NRP2: variants seen among roughly 807,000 people sequenced by gnomAD.
The protein encoded by NRP2 is neuropilin-2.
Under a neutral mutation model 110.4 loss-of-function variants are expected in NRP2, and 52 were observed. The ratio of observed to expected loss-of-function variants is 0.47; its 90% CI spans 0.38 to 0.59. NRP2 has a LOEUF of 0.59. NRP2 is among the 20% of genes least tolerant of loss of function. The pLI is 0.00. For missense variants in NRP2, 1,049 were observed against 1,203.0 expected (o/e 0.87, Z 1.89); for synonymous variants, 508 against 468.9 (o/e 1.08, Z -1.08).
intron 10 of NRP2, 164 bp from the exon 11 acceptor site, chr2:205,749,561 G>A (rs1264609215): frequency 8.0e-6 from 5 of 627,434 alleles, no homozygotes; most frequent in Non-Finnish European, 1.5e-5. Context: ...TTCTACTATG[G>A]TGATGCCCCT....
At chr2:205,700,296 T>A (rs770357297) in intron 2 of NRP2, among the ~76,000 whole-genome samples, 2 of 152,342 alleles carry the variant, frequency 1.3e-5, no homozygotes, top group Middle Eastern at 6.8e-3. Flanking sequence ...GGTGCATGCT[T>A]CAAATTGGAT....
At chr2:205,780,878 C>T (rs2058166314) in intron 15 of NRP2, among the ~76,000 whole-genome samples, 1 of 152,108 alleles carries the variant, frequency 6.6e-6, no homozygotes, top group African/African-American at 2.4e-5. Context: ...ACTATCTGTC[C>T]CTTGCAGGAG....
intron 10 of NRP2, 98 bp downstream of exon 10, chr2:205,745,988 C>T (rs2057531772): frequency 2.8e-6 from 4 of 1,406,762 alleles, no homozygotes; most frequent in South Asian, 1.2e-5. Flanking sequence ...GGGCAGCCAT[C>T]CCAGGAGCTG....
chr2:205,772,808 C>T (rs1235596420), intron 15 of NRP2, among the ~76,000 whole-genome samples: 2 of 152,206 alleles, frequency 1.3e-5, no homozygotes, highest in African/African-American at 4.8e-5. Context: ...CACAACTCAG[C>T]AATTCGGGCA....
chr2:205,695,360 G>A lies in NRP2; in HGVS notation c.74-2184G>A, dbSNP rs368921744. On this transcript the variant is annotated intron_variant, in intron 1 of 16. Transcript: ENST00000357785. The stretch of plus-strand genomic sequence containing the variant: ...TAGATGAGAAATTAAACCTTCCTGC[G>A]AAGAAGTTTCCTGTCTTTATTGCTG... Among the ~76,000 whole-genome samples the A allele has an allele frequency of 1.2e-4, 18 of 152,264 alleles. No homozygotes were observed. In the East Asian group the frequency reaches 2.1e-3, roughly 18 times the overall value.
intron 15 of NRP2, among the ~76,000 whole-genome samples, chr2:205,786,665 A>T (rs1413930707): frequency 2.0e-5 from 3 of 152,194 alleles, no homozygotes; most frequent in Non-Finnish European, 2.9e-5. Flanking sequence ...AGGCTGGTTG[A>T]AATGTGGTAG....
At chr2:205,716,747 GTCTT>G (rs1196083262) in intron 3 of NRP2, among the ~76,000 whole-genome samples, 2 of 152,172 alleles carry the variant, frequency 1.3e-5, no homozygotes, top group African/African-American at 4.8e-5. Context: ...GTCTAATGAT[GTCTT>G]TATTTGGAAC....
At chr2:205,785,288 C>T (rs954031234) in intron 15 of NRP2, among the ~76,000 whole-genome samples, 4 of 152,090 alleles carry the variant, frequency 2.6e-5, no homozygotes, top group African/African-American at 9.7e-5. Flanking sequence ...ACATCCACAC[C>T]TCAAATATTG....
At chr2:205,701,577 T>TAC (rs1156997262) in intron 2 of NRP2, 1 of 148,962 alleles carries the variant, frequency 6.7e-6, no homozygotes, top group African/African-American at 2.5e-5. Context: ...TCTAGATGGG[T>TAC]ACCTTGATGG....
At chr2:205,722,287 G>T (rs2057036256) in intron 3 of NRP2, 191 bp from the exon 4 acceptor site, 3 of 628,552 alleles carry the variant, frequency 4.8e-6, no homozygotes, top group Non-Finnish European at 8.6e-6. Context: ...GAGCAAGCCA[G>T]CTGTGCCTCC....
intron 15 of NRP2, among the ~76,000 whole-genome samples, chr2:205,790,977 G>A (rs1000992472): frequency 6.6e-6 from 1 of 152,220 alleles, no homozygotes; most frequent in Non-Finnish European, 1.5e-5. Context: ...GGACCGAGGG[G>A]GATGAGAATG....
chr2:205,771,107 G>A (rs55701711), intron 15 of NRP2, among the ~76,000 whole-genome samples: 3,325 of 152,248 alleles, frequency 0.022, 147 homozygotes, highest in African/African-American at 0.076. Context: ...AGTGTGAAGC[G>A]TCCGAGACTT....
intron 1 of NRP2, among the ~76,000 whole-genome samples, chr2:205,693,913 A>G (rs2056366684): frequency 6.6e-6 from 1 of 152,254 alleles, no homozygotes; most frequent in Non-Finnish European, 1.5e-5. Context: ...TATTTAGCAA[A>G]TATTATTGTC....
At chr2:205,786,488 G>A (rs1389205768) in intron 15 of NRP2, among the ~76,000 whole-genome samples, 1 of 152,102 alleles carries the variant, frequency 6.6e-6, no homozygotes, top group Non-Finnish European at 1.5e-5. Flanking sequence ...GAAAATCTAT[G>A]GCTTACTCTC....
chr2:205,773,632 C>T (rs2058055957), intron 15 of NRP2, among the ~76,000 whole-genome samples: 1 of 152,204 alleles, frequency 6.6e-6, no homozygotes, highest in Non-Finnish European at 1.5e-5. Context: ...TAGGATTTCA[C>T]CTTCCTCCAG....
At chr2:205,706,871 C>A (rs1232941694) in intron 2 of NRP2, among the ~76,000 whole-genome samples, 1 of 152,178 alleles carries the variant, frequency 6.6e-6, no homozygotes, top group Admixed American at 6.5e-5. Context: ...TCCCACACTG[C>A]CAGGGCCTCC....
At chr2:205,693,826 G>C (rs1321824145) in intron 1 of NRP2, among the ~76,000 whole-genome samples, 1 of 152,184 alleles carries the variant, frequency 6.6e-6, no homozygotes, top group Non-Finnish European at 1.5e-5. Flanking sequence ...CTAAAGCGAG[G>C]GATCTGATTG....
At chr2:205,782,855 G>GTT (rs71410838) in intron 15 of NRP2, among the ~76,000 whole-genome samples, 12 of 144,382 alleles carry the variant, frequency 8.3e-5, no homozygotes, top group Non-Finnish European at 1.2e-4. Flanking sequence ...ACTGTGTCTA[G>GTT]TTTTTTTTTT....
chr2:205,695,875 T>C lies in NRP2; in HGVS notation c.74-1669T>C, dbSNP rs185743912. Among the ~76,000 whole-genome samples, 62 of 152,228 alleles carry C rather than the reference T, an allele frequency of 4.1e-4. No individual in the cohort carries two copies. In the Middle Eastern group the frequency reaches 0.01, roughly 25 times the overall value. ...TGGGCACCTGGAAAGCCTATGGGTA[T>C]TGGCTGCAGAGGAGCTGGGCCTCAT... On this transcript the variant is annotated intron_variant, in intron 1 of 16. Transcript: ENST00000357785.
Sources: allele counts gnomAD v4.1 joint callset (sites outside exome capture counted in the v4.1 genomes callset), GRCh38; gene constraint gnomAD v4.1.1; transcripts MANE v1.5; gene names NCBI Gene and HGNC (gene_info 2026-07-23, HGNC 2026-07-21).